The following WIPI1 variants were observed in gnomAD, a reference collection of about 807,000 sequenced individuals.
WIPI1 encodes the protein WD repeat domain phosphoinositide-interacting protein 1.
In WIPI1, 45 loss-of-function variants were observed where a neutral mutation model predicts 55.3. The observed-to-expected ratio is 0.81, with a 90% CI of 0.64 to 1.04. The LOEUF is 1.04. WIPI1 is among the 50% of genes least tolerant of loss of function. The pLI, the probability that WIPI1 is intolerant of heterozygous loss-of-function variation, is 0.00. For synonymous variants in WIPI1, 195 were observed against 217.6 expected, an observed-to-expected ratio of 0.90 and a Z score of 0.92; for missense variants, 445 against 559.0, an observed-to-expected ratio of 0.80 and a Z score of 2.06.
chr17:68,434,469 C>A, intron 7 of WIPI1, 87 bp downstream of exon 7: 1 of 1,388,730 alleles, frequency 7.2e-7, no homozygotes, highest in Non-Finnish European at 1.0e-6. Context: ...CACAGAGCCA[C>A]TCTCTGTCCT....
chr17:68,428,782 C>T (rs1002446), intron 10 of WIPI1, 47 bp downstream of exon 10: 385,867 of 1,461,526 alleles, frequency 0.26, 52,594 homozygotes, highest in Non-Finnish European at 0.28. Flanking sequence ...GACAACTCTA[C>T]ACGACCAGCT....
intron 3 of WIPI1, 25 bp downstream of exon 3, chr17:68,450,703 A>C (rs757893164): frequency 6.3e-7 from 1 of 1,586,104 alleles, no homozygotes; most frequent in East Asian, 2.3e-5. Flanking sequence ...GAAGCTTTGA[A>C]ACCCTGAGGG....
chr17:68,435,763 G>A, intron 5 of WIPI1, 51 bp from the exon 6 acceptor site: 1 of 1,510,926 alleles, frequency 6.6e-7, no homozygotes, highest in Non-Finnish European at 9.2e-7. Flanking sequence ...GAGGGAAGAT[G>A]GATTTCACCT....
At chr17:68,424,872 G>A (rs552525451) in intron 12 of WIPI1, among the ~76,000 whole-genome samples, 17 of 152,284 alleles carry the variant, frequency 1.1e-4, no homozygotes, top group African/African-American at 2.2e-4. Context: ...GCAAGACTCC[G>A]TCTCAAAAAC....
chr17:68,452,815 G>A (rs990589706), intron 2 of WIPI1, 95 bp downstream of exon 2: 1 of 1,151,544 alleles, frequency 8.7e-7, no homozygotes, highest in Non-Finnish European at 1.3e-6. Context: ...CTAAGGAAGG[G>A]AAAAATAGGC....
At position 68,433,478 on chromosome 17, in the gene WIPI1, C is replaced by T. The variant is rs776613382; in HGVS notation, c.790G>A (p.Val264Ile). ...ETVHIFKLEQ[V>I]TNSRPEEPST... Reference sequence around the variant, plus strand: ...CCGCGGAGTACTTGCCTGTTGGTGACCTGTTCCAGCTTGAAGATGTGTACC... The same window carrying T: ...CCGCGGAGTACTTGCCTGTTGGTGATCTGTTCCAGCTTGAAGATGTGTACC... Residue 264 changes from valine (V) to isoleucine (I), a missense_variant, in exon 8 of 13, where the codon GTC becomes ATC. Physicochemically the swap from Val to Ile is conservative, Grantham distance 29. Transcript: ENST00000262139. The T allele has an allele frequency of 1.4e-5, 23 of 1,613,746 alleles. No homozygotes were observed. The South Asian group carries it at 2.4e-4, about 17-fold the overall frequency.
chr17:68,426,219 C>A, intron 11 of WIPI1, 44 bp from the exon 12 acceptor site: 2 of 1,172,454 alleles, frequency 1.7e-6, no homozygotes, highest in Non-Finnish European at 2.4e-6. Flanking sequence ...TGGGGATCTG[C>A]TTTTATGCCA....
intron 2 of WIPI1, among the ~76,000 whole-genome samples, chr17:68,452,407 A>G (rs1487853024): frequency 1.3e-5 from 2 of 152,210 alleles, no homozygotes; most frequent in Non-Finnish European, 2.9e-5. Flanking sequence ...TCTACTAAAA[A>G]TACAAAAATT....
chr17:68,429,959 G>A, intron 9 of WIPI1, 37 bp downstream of exon 9: 1 of 1,611,834 alleles, frequency 6.2e-7, no homozygotes, highest in Admixed American at 1.7e-5. Context: ...ATTGACGAAA[G>A]TGTGGTCTTG....
At chr17:68,435,516 A>T in intron 6 of WIPI1, 104 bp downstream of exon 6, 1 of 1,105,536 alleles carries the variant, frequency 9.0e-7, no homozygotes, top group Non-Finnish European at 1.4e-6. Flanking sequence ...GGGCCCAGAG[A>T]CCAGTCAGTC....
intron 4 of WIPI1, among the ~76,000 whole-genome samples, chr17:68,442,551 G>A (rs1269074458): frequency 1.3e-5 from 2 of 151,916 alleles, no homozygotes; most frequent in African/African-American, 4.8e-5. Flanking sequence ...GGGGTCAAGT[G>A]TGCAACAGGT....
chr17:68,455,403 G>A (rs1039440807), intron 1 of WIPI1, among the ~76,000 whole-genome samples: 2 of 148,730 alleles, frequency 1.3e-5, no homozygotes, highest in African/African-American at 2.5e-5. Context: ...TATAGCACAA[G>A]TACCAATCAC....
At chr17:68,436,219 C>A (rs2147882702) in intron 5 of WIPI1, among the ~76,000 whole-genome samples, 163 bp downstream of exon 5, 1 of 152,302 alleles carries the variant, frequency 6.6e-6, no homozygotes, top group East Asian at 1.9e-4. Flanking sequence ...TGACTCACAG[C>A]AAGCCCGAGG....
chr17:68,422,777 T>C (rs1194367663), intron 12 of WIPI1: 1 of 150,466 alleles, frequency 6.6e-6, no homozygotes, highest in Admixed American at 6.6e-5. Context: ...TTTATACCCT[T>C]GGGCCTGATT....
At chr17:68,444,664 T>A (rs2084210816) in intron 3 of WIPI1, 75 bp from the exon 4 acceptor site, 1 of 1,248,710 alleles carries the variant, frequency 8.0e-7, no homozygotes, top group Admixed American at 2.2e-5. Context: ...ATCATTCATC[T>A]TTCATATGAG....
At chr17:68,450,171 A>C (rs913030462) in intron 3 of WIPI1, among the ~76,000 whole-genome samples, 3 of 151,958 alleles carry the variant, frequency 2.0e-5, no homozygotes, top group African/African-American at 7.3e-5. Flanking sequence ...TACAAAAAAA[A>C]CAAAAAGTCT....
rs1335157356 is a variant in WIPI1, at chr17:68,457,324, G to C, written c.80+18C>G. ...CTCTGTCCCCCACCTCCCTGGCAGGGGCCGAGTCGCAGCTTACGTGCAGTC... is the reference window on the plus strand; with the variant it reads ...CTCTGTCCCCCACCTCCCTGGCAGGCGCCGAGTCGCAGCTTACGTGCAGTC... On this transcript the variant is annotated intron_variant, in intron 1 of 12. Transcript: ENST00000262139. The C allele has an allele frequency of 6.5e-7, 1 of 1,541,860 alleles. No homozygotes were observed. Among genetic ancestry groups the C allele is most frequent in the Non-Finnish European group, 8.7e-7 (1 of 1,142,898 alleles).
rs878856040 is a variant in WIPI1 at position 68,434,743 on chromosome 17, A to G, written c.622-117T>C. The stretch of plus-strand genomic sequence containing the variant: ...ACATCTGTCTCTGAGGAGGAAGAAC[A>G]CCACGTTGAGCATAGAGGCATGTTT... On this transcript the variant is annotated intron_variant, in intron 6 of 12. Coordinates refer to ENST00000262139, the MANE Select transcript of WIPI1 (RefSeq NM_017983.7). The G allele has an allele frequency of 3.5e-5, 35 of 999,384 alleles. 1 individual carries two copies. The South Asian group carries it at 5.3e-4, about 15-fold the overall frequency. The allele number at this position is 999,384 out of a possible 1,614,324, so 61.9% of individuals were successfully genotyped here.
At chr17:68,433,760 G>GTTGTTTT (rs2083630723) in intron 7 of WIPI1, among the ~76,000 whole-genome samples, 185 bp from the exon 8 acceptor site, 1 of 72,814 alleles carries the variant, frequency 1.4e-5, no homozygotes. Context: ...AAGGGTCATA[G>GTTGTTTT]TTTTTTTTTT....
Sources: allele counts gnomAD v4.1 joint callset (sites outside exome capture counted in the v4.1 genomes callset), GRCh38; gene constraint gnomAD v4.1.1; transcripts MANE v1.5; gene names NCBI Gene and HGNC (gene_info 2026-07-23, HGNC 2026-07-21).